Variants in GRAMD1B observed in about 807,000 individuals in gnomAD.
GRAMD1B encodes GRAM domain containing 1B.
A neutral mutation model predicts 99.7 loss-of-function variants in GRAMD1B; 37 were observed. The observed-to-expected ratio is 0.37, with a 90% CI of 0.29 to 0.49. GRAMD1B has a LOEUF of 0.49. GRAMD1B is among the 20% of genes least tolerant of loss of function. The pLI is 0.98. For synonymous variants in GRAMD1B, 427 were observed against 387.6 expected (o/e 1.10, Z -1.19); for missense variants, 888 against 1,009.2 (o/e 0.88, Z 1.63).
At chr11:123,424,691 C>T (rs1305817620) in intron 1 of GRAMD1B, among the ~76,000 whole-genome samples, 2 of 152,176 alleles carry the variant, frequency 1.3e-5, no homozygotes, top group East Asian at 3.9e-4. Flanking sequence ...AACTTAAATA[C>T]CCATTCCTCC....
chr11:123,500,786 G>T lies in GRAMD1B; in HGVS notation c.452+19893G>T, dbSNP rs181824916. The stretch of plus-strand genomic sequence containing the variant: ...CTCCCAGGGTTCAAGTGATTCTCCC[G>T]CCTCAGCCTCCCAAGTAGCTGGGAT... On this transcript the variant is annotated intron_variant, in intron 2 of 19. Transcript: ENST00000635736. Among the ~76,000 whole-genome samples the T allele has an allele frequency of 3.2e-3, 488 of 151,954 alleles. 2 individuals carry two copies. Among genetic ancestry groups the T allele is most frequent in the Non-Finnish European group, 5.5e-3 (377 of 67,964 alleles).
At chr11:123,584,227 C>T (rs75440287) in intron 3 of GRAMD1B, 85 bp from the exon 4 acceptor site, 28,640 of 753,436 alleles carry the variant, frequency 0.038, 680 homozygotes, top group Middle Eastern at 0.052. Context: ...GCCCACCCTC[C>T]GCTGTCTGTG....
At chr11:123,390,091 T>A (rs1394181193) in intron 1 of GRAMD1B, among the ~76,000 whole-genome samples, 46 of 135,976 alleles carry the variant, frequency 3.4e-4, no homozygotes, top group African/African-American at 6.3e-4. Context: ...TCTTCTAAAA[T>A]AAAAAAAAAT....
intron 1 of GRAMD1B, among the ~76,000 whole-genome samples, chr11:123,458,095 T>C (rs754676218): frequency 6.6e-6 from 1 of 152,106 alleles, no homozygotes; most frequent in Non-Finnish European, 1.5e-5. Context: ...CAGAACCTAG[T>C]TGGAGTTCTG....
intron 2 of GRAMD1B, among the ~76,000 whole-genome samples, chr11:123,553,869 C>A (rs992157339): frequency 6.6e-6 from 1 of 152,146 alleles, no homozygotes; most frequent in African/African-American, 2.4e-5. Context: ...TGTATACCAA[C>A]TCGTTTATAA....
rs188992965 is a variant in GRAMD1B at position 123,425,164 on chromosome 11, T to C, written c.-175-55652T>C. 1.2e-4 allele frequency among the ~76,000 whole-genome samples: 19 copies of C among 152,322 alleles called. No homozygotes were observed. The East Asian group carries it at 3.7e-3, about 29-fold the overall frequency. On this transcript the variant is annotated intron_variant, in intron 1 of 20. Coordinates refer to the GRAMD1B transcript ENST00000638157. The stretch of plus-strand genomic sequence containing the variant: ...TTAAATAACTTAACCGTAATAAAAC[T>C]GCTAGCAAGTGATGGAAACAGGTCC...
rs1478030113 is a variant in GRAMD1B, at chr11:123,618,788, G to A, written c.2414G>A (p.Arg805Lys). ...ACCCTCACTGCCTGGCAGGGTCTAA[G>A]GCTCCAAGAAAGGTAATCCTGGCCT... ...TQTLTAWQGL[R>K]LQERLPQSQT... Residue 805 changes from arginine (R) to lysine (K), a missense_variant, in exon 18 of 20, where the codon AGG becomes AAG. By Grantham distance (26) the Arg-to-Lys change is conservative. This residue lies in a region of GRAMD1B where 232 missense variants were observed against 261.7 expected (regional missense o/e 0.89). Coordinates refer to ENST00000635736, the MANE Select transcript of GRAMD1B (RefSeq NM_001387025.1). 6.5e-7 allele frequency: 1 copy of A among 1,547,228 alleles called. No homozygotes were observed. The highest frequency in any genetic ancestry group is 8.8e-7 in the Non-Finnish European group (1 of 1,134,946).
chr11:123,445,372 T>C (rs1208910699), intron 1 of GRAMD1B, among the ~76,000 whole-genome samples: 1 of 152,116 alleles, frequency 6.6e-6, no homozygotes, highest in African/African-American at 2.4e-5. Flanking sequence ...ATTTTCAGGG[T>C]TGGATGGAAT....
At chr11:123,584,286 C>T (rs1259303128) in intron 3 of GRAMD1B, 26 bp from the exon 4 acceptor site, 2 of 909,138 alleles carry the variant, frequency 2.2e-6, no homozygotes, top group Admixed American at 3.5e-5. Context: ...ACTAATTCTA[C>T]CTTCTCTTTC....
chr11:123,478,182 A>T lies in GRAMD1B; in HGVS notation c.375-2634A>T, dbSNP rs140455379. 9.0e-3 allele frequency among the ~76,000 whole-genome samples: 1,339 copies of T among 148,218 alleles called. 20 individuals carry two copies. The highest frequency in any genetic ancestry group is 0.031 in the African/African-American group (1,272 of 40,480). Reference sequence around the variant, plus strand: ...AGGTGTACACCATCATGCCTGGCTAATTTTTTTTTTATAGAGATGGGGTCT... The same window carrying T: ...AGGTGTACACCATCATGCCTGGCTATTTTTTTTTTTATAGAGATGGGGTCT... On this transcript the variant is annotated intron_variant, in intron 1 of 19. Coordinates refer to ENST00000635736, the MANE Select transcript of GRAMD1B (RefSeq NM_001387025.1).
At chr11:123,540,448 C>T (rs1285218581) in intron 2 of GRAMD1B, among the ~76,000 whole-genome samples, 1 of 152,078 alleles carries the variant, frequency 6.6e-6, no homozygotes, top group Non-Finnish European at 1.5e-5. Flanking sequence ...AGTTGGTGCT[C>T]AAAAAGTATT....
At chr11:123,384,453 A>G (rs1946990255) in intron 1 of GRAMD1B, among the ~76,000 whole-genome samples, 1 of 152,150 alleles carries the variant, frequency 6.6e-6, no homozygotes, top group Non-Finnish European at 1.5e-5. Context: ...GTTCCTGCCC[A>G]GGTAACCCCC....
chr11:123,398,224 G>T (rs1947535872), intron 1 of GRAMD1B, among the ~76,000 whole-genome samples: 1 of 152,200 alleles, frequency 6.6e-6, no homozygotes, highest in African/African-American at 2.4e-5. Context: ...AATTTATAAA[G>T]AAAAGTTTAA....
intron 1 of GRAMD1B, among the ~76,000 whole-genome samples, chr11:123,456,023 T>G (rs552015806): frequency 6.6e-6 from 1 of 152,026 alleles, no homozygotes; most frequent in Admixed American, 6.5e-5. Context: ...TACAAAAAAT[T>G]AGCTGGGTGT....
intron 1 of GRAMD1B, among the ~76,000 whole-genome samples, chr11:123,391,662 G>A (rs1385778663): frequency 2.0e-5 from 3 of 152,162 alleles, no homozygotes; most frequent in African/African-American, 7.2e-5. Context: ...CACCATGTTG[G>A]TCAGGCTGGT....
At chr11:123,465,376 C>T (rs991455826) in intron 1 of GRAMD1B, among the ~76,000 whole-genome samples, 1 of 152,174 alleles carries the variant, frequency 6.6e-6, no homozygotes, top group Non-Finnish European at 1.5e-5. Context: ...CTAAAACATT[C>T]CTTTGTTTGG....
intron 2 of GRAMD1B, among the ~76,000 whole-genome samples, chr11:123,558,688 T>C (rs1424940637): frequency 6.6e-6 from 1 of 152,244 alleles, no homozygotes; most frequent in Non-Finnish European, 1.5e-5. Flanking sequence ...GAAGTCGGAC[T>C]TGAGCCAGAC....
intron 2 of GRAMD1B, among the ~76,000 whole-genome samples, chr11:123,533,219 C>T (rs1678027059): frequency 1.3e-5 from 2 of 152,158 alleles, no homozygotes; most frequent in African/African-American, 4.8e-5. Flanking sequence ...GATCTGCCCG[C>T]CTCAGCCTCC....
chr11:123,534,195 T>G (rs1288700185), intron 2 of GRAMD1B, among the ~76,000 whole-genome samples: 1 of 152,222 alleles, frequency 6.6e-6, no homozygotes, highest in Admixed American at 6.5e-5. Flanking sequence ...TATACTGTAT[T>G]CTTGCAATAA....
Sources: gnomAD v4.1 joint callset for allele counts (sites outside exome capture counted in the v4.1 genomes callset) on GRCh38, gnomAD v4.1.1 for gene constraint, gnomAD v4.1.1 regional missense constraint, MANE v1.5 for transcripts, NCBI Gene and HGNC (gene_info 2026-07-23, HGNC 2026-07-21) for gene names.